CYP4F11: variants seen among roughly 807,000 people sequenced by gnomAD.
The protein encoded by CYP4F11 is cytochrome P450 family 4 subfamily F member 11, also known as cytochrome P450 4F11.
Under a neutral mutation model 62.2 loss-of-function variants are expected in CYP4F11, and 79 were observed. The ratio of observed to expected loss-of-function variants is 1.27; its 90% confidence interval spans 1.06 to 1.53. CYP4F11 has a LOEUF of 1.53. CYP4F11 is among the 40% of genes most tolerant of loss of function. CYP4F11 has a pLI of 0.00. For missense variants in CYP4F11, 777 were observed against 680.5 expected, an observed-to-expected ratio of 1.14 and a Z score of -1.58; for synonymous variants, 290 against 263.7, an observed-to-expected ratio of 1.10 and a Z score of -0.97.
At position 15,934,273 on chromosome 19, in the gene CYP4F11, G is replaced by A. The variant is rs745574412; in HGVS notation, c.136C>T (p.Arg46Cys). ...GGTTGAGGAAAACACTGGAGGCGGCGGCAGTTGTCATAGAAGGTGTAGGTC... is the reference window on the plus strand; with the variant it reads ...GGTTGAGGAAAACACTGGAGGCGGCAGCAGTTGTCATAGAAGGTGTAGGTC... Reference protein sequence around the residue: ...AWTYTFYDNCRRLQCFPQPPK... With the variant: ...AWTYTFYDNCCRLQCFPQPPK... Residue 46 changes from arginine (R) to cysteine (C), a missense_variant, in exon 1 of 12, where the codon CGC becomes TGC. Physicochemically the swap from Arg to Cys is radical, Grantham distance 180. Coordinates refer to ENST00000402119, the MANE Select transcript of CYP4F11 (RefSeq NM_021187.4). 8.7e-6 allele frequency: 14 copies of A among 1,613,710 alleles called. No homozygotes were observed. In the East Asian group the frequency reaches 1.1e-4, roughly 13 times the overall value.
chr19:15,934,352 C>T lies in CYP4F11; in HGVS notation c.57G>A (p.Trp19Ter). 1 of 1,613,324 alleles carries T rather than the reference C, an allele frequency of 6.2e-7. No homozygotes were observed. Among genetic ancestry groups the T allele is most frequent in the South Asian group, 1.1e-5 (1 of 91,028 alleles). Residue 19 changes from tryptophan to a stop codon, truncating the protein, a stop_gained, in exon 1 of 12, where the codon TGG (tryptophan) becomes TGA (stop). Coordinates refer to ENST00000402119, the MANE Select transcript of CYP4F11 (RefSeq NM_021187.4). LOFTEE classifies it high-confidence loss of function. Reference sequence around the variant, plus strand: ...AGCCTCCAACCAGCAGCAGAAGCAGCCACGGGGATGCTGCCACGGGCCCGA... The same window carrying T: ...AGCCTCCAACCAGCAGCAGAAGCAGTCACGGGGATGCTGCCACGGGCCCGA... ...LGLGPVAASPWLLLLLVGGSW... is the reference protein window; with the variant it reads ...LGLGPVAASP
At chr19:15,930,221 T>A (rs554916196) in intron 1 of CYP4F11, among the ~76,000 whole-genome samples, 10 of 152,140 alleles carry the variant, frequency 6.6e-5, no homozygotes, top group Non-Finnish European at 1.5e-4. Context: ...GCCCTGAGCA[T>A]CGTGTCTGGA....
chr19:15,913,402 A>G lies in CYP4F11; in HGVS notation c.*330T>C. ...CCCTATGGTTGTTTCTCGCTGAATC[A>G]GAGTCTCAGTCTTGCTCCTTAAACC... On this transcript the variant is annotated 3_prime_UTR_variant, in exon 12 of 12. Transcript: ENST00000402119. 2.9e-6 allele frequency: 1 copy of G among 343,352 alleles called. No homozygotes were observed. Among genetic ancestry groups the G allele is most frequent in the East Asian group, 7.8e-5 (1 of 12,850 alleles). The allele number at this position is 343,352 out of a possible 1,614,324, so 21.3% of individuals were successfully genotyped here. A position where few individuals can be genotyped will look rare whatever the true frequency, so the allele number is the denominator to read the frequency against.
chr19:15,916,896 A>G (rs1250832809), intron 8 of CYP4F11, among the ~76,000 whole-genome samples: 1 of 152,204 alleles, frequency 6.6e-6, no homozygotes, highest in Non-Finnish European at 1.5e-5. Context: ...TAGATCTACT[A>G]TTCCATCCAA....
At chr19:15,914,492 G>T in intron 10 of CYP4F11, 105 bp from the exon 11 acceptor site, 1 of 1,544,318 alleles carries the variant, frequency 6.5e-7, no homozygotes, top group Non-Finnish European at 8.9e-7. Context: ...TTTGGCAGAT[G>T]TGTCTCCATT....
At position 15,934,271 on chromosome 19, in the gene CYP4F11, G is replaced by A. The variant is rs375723653; in HGVS notation, c.138C>T (p.Arg46=). The A allele has an allele frequency of 2.5e-6, 4 of 1,613,862 alleles. No homozygotes were observed. Among genetic ancestry groups the A allele is most frequent in the Non-Finnish European group, 3.4e-6 (4 of 1,179,846 alleles). The change falls in exon 1 of 12, where the codon CGC becomes CGT. Residue 46 remains arginine, a synonymous_variant. Coordinates refer to ENST00000402119, the MANE Select transcript of CYP4F11 (RefSeq NM_021187.4). ...AWTYTFYDNC[R]RLQCFPQPPK... is the part of the protein sequence containing the mutation. ...GGGGTTGAGGAAAACACTGGAGGCG[G>A]CGGCAGTTGTCATAGAAGGTGTAGG... is the stretch of plus-strand genomic sequence containing the variant.
At chr19:15,919,299 A>C (rs1169353150) in intron 8 of CYP4F11, among the ~76,000 whole-genome samples, 1 of 149,578 alleles carries the variant, frequency 6.7e-6, no homozygotes, top group Non-Finnish European at 1.5e-5. Flanking sequence ...TATTTATATA[A>C]ATAAAATACA....
Position 15,913,922 on chromosome 19 carries a change from G to A in CYP4F11, c.1398-13C>T. ...CCCGATGCAGTTTCTGGGGGCAAAA[G>A]TGAGGGAATCTGACTGTGCCCATGA... On this transcript the variant is annotated splice_polypyrimidine_tract_variant and intron_variant, in intron 11 of 11. Coordinates refer to ENST00000402119, the MANE Select transcript of CYP4F11 (RefSeq NM_021187.4). 1 of 1,605,316 alleles carries A rather than the reference G, an allele frequency of 6.2e-7. No individual in the cohort carries two copies. The highest frequency in any genetic ancestry group is 8.5e-7 in the Non-Finnish European group (1 of 1,175,888).
chr19:15,929,476 C>T lies in CYP4F11; in HGVS notation c.324G>A (p.Arg108=), dbSNP rs2089694320. 6.2e-7 allele frequency: 1 copy of T among 1,614,048 alleles called. No homozygotes were observed. ...LLILCHPDII[R]PITSASAAVA... is the part of the protein sequence containing the mutation. ...GGGTACCTGAGGCACTGGTGATAGGCCGGATAATGTCAGGGTGGCATAAAA... is the reference window on the plus strand; with the variant it reads ...GGGTACCTGAGGCACTGGTGATAGGTCGGATAATGTCAGGGTGGCATAAAA... Residue 108 remains arginine, a synonymous_variant, in exon 2 of 12, where the codon CGG becomes CGA. Transcript: ENST00000402119.
Position 15,912,785 on chromosome 19 carries a change from AT to A in CYP4F11, c.*946del, listed in dbSNP as rs1568479740. ...TGTGTGTGTGTGTATATATATATATATATAATATATATATATATATACATAT... is the reference window on the plus strand; with the variant it reads ...TGTGTGTGTGTGTATATATATATATAATAATATATATATATATATACATAT... On this transcript the variant is annotated 3_prime_UTR_variant, in exon 12 of 12. Coordinates refer to ENST00000402119, the MANE Select transcript of CYP4F11 (RefSeq NM_021187.4). The A allele has an allele frequency of 7.7e-5, 2 of 25,816 alleles. No individual in the cohort carries two copies. The highest frequency in any genetic ancestry group is 4.7e-4 in the East Asian group (1 of 2,140). 1.6% of individuals were successfully genotyped at this position (25,816 alleles called of 1,614,324 possible).
At chr19:15,918,303 G>A (rs1479158454) in intron 8 of CYP4F11, among the ~76,000 whole-genome samples, 1 of 152,140 alleles carries the variant, frequency 6.6e-6, no homozygotes, top group Non-Finnish European at 1.5e-5. Flanking sequence ...GGGTTGGGGA[G>A]GTGAGAGCAT....
intron 1 of CYP4F11, among the ~76,000 whole-genome samples, chr19:15,931,337 G>C (rs913981202): frequency 2.0e-5 from 3 of 151,808 alleles, no homozygotes; most frequent in Admixed American, 6.5e-5. Flanking sequence ...CTGGACAGTA[G>C]ACTCAGGAGG....
chr19:15,934,542 C>T, upstream of CYP4F11: 1 of 1,073,574 alleles, frequency 9.3e-7, no homozygotes, highest in South Asian at 1.7e-5. Context: ...GATGGGTAAA[C>T]AAGAGCTGAG....
intron 8 of CYP4F11, among the ~76,000 whole-genome samples, chr19:15,918,753 A>G (rs555130859): frequency 1.3e-5 from 2 of 152,192 alleles, no homozygotes; most frequent in Non-Finnish European, 2.9e-5. Flanking sequence ...CATAGAATAC[A>G]ATGCAACTAC....
At position 15,921,927 on chromosome 19, in the gene CYP4F11, TC is replaced by T. The variant is rs773549297; in HGVS notation, c.1115+109del. Reference sequence around the variant, plus strand: ...CCCTGCCTCTGAGATTTGCACCGATTCCCACTAAGCGATAATGGAAGAATTG... The same window carrying T: ...CCCTGCCTCTGAGATTTGCACCGATTCCACTAAGCGATAATGGAAGAATTG... On this transcript the variant is annotated intron_variant, in intron 8 of 11. Coordinates refer to ENST00000402119, the MANE Select transcript of CYP4F11 (RefSeq NM_021187.4). 2,266 of 1,356,710 alleles carry T rather than the reference TC, an allele frequency of 1.7e-3. 1 individual carries two copies. Among genetic ancestry groups the T allele is most frequent in the Admixed American group, 3.4e-3 (119 of 35,142 alleles). The allele number at this position is 1,356,710 out of a possible 1,614,324, so 84.0% of individuals were successfully genotyped here.
At chr19:15,923,500 G>A (rs142550093) in intron 6 of CYP4F11, among the ~76,000 whole-genome samples, 6 of 152,192 alleles carry the variant, frequency 3.9e-5, no homozygotes, top group African/African-American at 1.4e-4. Flanking sequence ...TGATGAATAG[G>A]CTGCTGTGAT....
Position 15,912,614 on chromosome 19 carries a change from G to T in CYP4F11, c.*1118C>A, listed in dbSNP as rs1274391553. On this transcript the variant is annotated 3_prime_UTR_variant, in exon 12 of 12. Coordinates refer to ENST00000402119, the MANE Select transcript of CYP4F11 (RefSeq NM_021187.4). ...ATTTTATTTTGAGACACTGACTGAG[G>T]TTTCTCTCATTCTCCTACCACCTCA... The T allele has an allele frequency of 2.1e-5, 3 of 142,976 alleles. No homozygotes were observed. Among genetic ancestry groups the T allele is most frequent in the African/African-American group, 5.3e-5 (2 of 37,904 alleles). The allele number at this position is 142,976 out of a possible 1,614,324, so 8.9% of individuals were successfully genotyped here. A position where few individuals can be genotyped will look rare whatever the true frequency, so the allele number is the denominator to read the frequency against.
At chr19:15,933,849 G>A (rs371364251) in intron 1 of CYP4F11, among the ~76,000 whole-genome samples, 2 of 61,402 alleles carry the variant, frequency 3.3e-5, no homozygotes, top group African/African-American at 1.1e-4. Context: ...AGTGAGGAGA[G>A]GAATGAGTGA....
chr19:15,927,063 G>T, intron 4 of CYP4F11, 149 bp downstream of exon 4: 3 of 910,216 alleles, frequency 3.3e-6, no homozygotes, highest in Non-Finnish European at 4.9e-6. Flanking sequence ...TTTAAGTAGA[G>T]ATTGTTATTC....
Sources: allele counts gnomAD v4.1 joint callset (sites outside exome capture counted in the v4.1 genomes callset), GRCh38; gene constraint gnomAD v4.1.1; transcripts MANE v1.5; gene names NCBI Gene and HGNC (gene_info 2026-07-23, HGNC 2026-07-21).